SPAG17: variants seen among roughly 807,000 people sequenced by gnomAD.
SPAG17 encodes sperm associated antigen 17.
Under a neutral mutation model 273.6 loss-of-function variants are expected in SPAG17, and 169 were observed. The ratio of observed to expected loss-of-function variants is 0.62; its 90% confidence interval spans 0.55 to 0.70. The LOEUF is 0.70. SPAG17 is among the 30% of genes least tolerant of loss of function. SPAG17 has a pLI of 0.00. For synonymous variants in SPAG17, 825 were observed against 873.2 expected (o/e 0.94, Z 0.97); for missense variants, 2,557 against 2,627.8 (o/e 0.97, Z 0.59).
chr1:118,147,885 C>T (rs1659118271), intron 3 of SPAG17, among the ~76,000 whole-genome samples: 1 of 152,180 alleles, frequency 6.6e-6, no homozygotes, highest in Non-Finnish European at 1.5e-5. Flanking sequence ...AGAAGTCTCA[C>T]TTTAGTTTGC....
chr1:118,092,466 G>T (rs1655439885), intron 8 of SPAG17, among the ~76,000 whole-genome samples: 1 of 152,144 alleles, frequency 6.6e-6, no homozygotes, highest in African/African-American at 2.4e-5. Context: ...CATGCAGCCT[G>T]GGATCACTGA....
In SPAG17 at chr1:118,096,851, A is replaced by G. The variant is rs75824187; in HGVS notation, c.1011+819T>C. Among the ~76,000 whole-genome samples, 183 of 152,280 alleles carry G rather than the reference A, an allele frequency of 1.2e-3. 5 individuals are homozygous for G. In the East Asian group the frequency reaches 0.032, roughly 26 times the overall value. The stretch of plus-strand genomic sequence containing the variant: ...AAACTCCTCAATAGCAGGGGCCAGT[A>G]AACCCCACTCTTGGGAAATGCCTGA... On this transcript the variant is annotated intron_variant, in intron 7 of 48. Coordinates refer to ENST00000336338, the MANE Select transcript of SPAG17 (RefSeq NM_206996.4).
intron 1 of SPAG17, among the ~76,000 whole-genome samples, chr1:118,166,052 A>G (rs538711732): frequency 6.6e-6 from 1 of 152,354 alleles, no homozygotes; most frequent in East Asian, 1.9e-4. Flanking sequence ...AATATTATAT[A>G]CATACATGAA....
At chr1:118,139,038 A>G (rs1339519058) in intron 3 of SPAG17, among the ~76,000 whole-genome samples, 2 of 152,150 alleles carry the variant, frequency 1.3e-5, no homozygotes, top group Non-Finnish European at 2.9e-5. Context: ...TATATTTGAT[A>G]GGGGTTACTA....
At chr1:118,111,553 A>AACACACACAC (rs61266210) in intron 4 of SPAG17, among the ~76,000 whole-genome samples, 34,178 of 135,586 alleles carry the variant, frequency 0.25, 4,549 homozygotes, top group African/African-American at 0.27. Context: ...CTTTTAAAAC[A>AACACACACAC]ACACACACAC....
intron 24 of SPAG17, among the ~76,000 whole-genome samples, chr1:118,034,590 G>A (rs1393791275): frequency 2.0e-5 from 3 of 152,224 alleles, no homozygotes; most frequent in African/African-American, 7.2e-5. Context: ...ATGGGAGGGA[G>A]TTTAATTGTT....
intron 1 of SPAG17, among the ~76,000 whole-genome samples, chr1:118,169,629 G>T (rs1660328611): frequency 6.6e-6 from 1 of 152,158 alleles, no homozygotes; most frequent in African/African-American, 2.4e-5. Flanking sequence ...CATTTATAAG[G>T]GTTTCATGCA....
In SPAG17 at chr1:117,996,594, T is replaced by C. The variant is rs769701931; in HGVS notation, c.4922+4A>G. On this transcript the variant is annotated splice_donor_region_variant and intron_variant, in intron 33 of 48. Transcript: ENST00000336338. ...AAAGTAAAATTATAGTATTATTCTT[T>C]TACCTGGGGACATGTTCACCATAGA... 3.1e-6 allele frequency: 5 copies of C among 1,608,368 alleles called. No homozygotes were observed. The Admixed American group carries it at 6.8e-5, about 22-fold the overall frequency.
intron 3 of SPAG17, among the ~76,000 whole-genome samples, chr1:118,141,854 A>G (rs1272361422): frequency 6.6e-6 from 1 of 152,226 alleles, no homozygotes; most frequent in Non-Finnish European, 1.5e-5. Flanking sequence ...GACCCCTTAC[A>G]TGACATAACA....
chr1:118,136,594 C>T (rs750963295), intron 3 of SPAG17, among the ~76,000 whole-genome samples: 2 of 152,112 alleles, frequency 1.3e-5, no homozygotes, highest in Admixed American at 1.3e-4. Context: ...TCACATCACA[C>T]GGCAACTGCC....
At position 118,081,119 on chromosome 1, in the gene SPAG17, G is replaced by A; in HGVS notation, c.2191C>T (p.Pro731Ser). Residue 731 changes from proline (P) to serine (S), a missense_variant, in exon 15 of 49, where the codon CCC becomes TCC. Pro to Ser is a moderately conservative substitution (Grantham distance 74). Transcript: ENST00000336338. ...AACTTACCCAGAGACTCATGTTGGG[G>A]CTGAGCCTTCATGATGCTCTCCTGC... ...LEQESIMKAQ[P>S]QHESLEQTTN... 1.2e-6 allele frequency: 2 copies of A among 1,612,966 alleles called. No individual in the cohort carries two copies. Among genetic ancestry groups the A allele is most frequent in the Non-Finnish European group, 1.7e-6 (2 of 1,179,252 alleles).
intron 20 of SPAG17, among the ~76,000 whole-genome samples, chr1:118,046,752 C>T (rs1650401596): frequency 1.3e-5 from 2 of 152,004 alleles, no homozygotes. Flanking sequence ...TTTTTAGTAA[C>T]AAGAAAAATA....
intron 43 of SPAG17, among the ~76,000 whole-genome samples, chr1:117,978,418 CT>C (rs1325065553): frequency 6.6e-6 from 1 of 152,192 alleles, no homozygotes; most frequent in Non-Finnish European, 1.5e-5. Flanking sequence ...GTTCTTCCAT[CT>C]TCTTTAGGAC....
chr1:117,955,727 A>G (rs1652104332), intron 48 of SPAG17, among the ~76,000 whole-genome samples: 2 of 151,704 alleles, frequency 1.3e-5, no homozygotes, highest in Admixed American at 6.6e-5. Flanking sequence ...TCTTTTTCAC[A>G]TATTTCCTGA....
Position 117,959,104 on chromosome 1 carries a change from C to T in SPAG17, c.*4695G>A, listed in dbSNP as rs12066505. The stretch of plus-strand genomic sequence containing the variant: ...CTTTGTCTTTAGCAATACCCACCAC[C>T]GATAAATCCATATTTGAGATAGTTT... On this transcript the variant is annotated intron_variant, in intron 48 of 48. Coordinates refer to ENST00000336338, the MANE Select transcript of SPAG17 (RefSeq NM_206996.4). 1.5e-4 allele frequency: 189 copies of T among 1,298,374 alleles called. No homozygotes were observed. The African/African-American group carries it at 1.7e-3, about 12-fold the overall frequency. 80.4% of individuals were successfully genotyped at this position (1,298,374 alleles called of 1,614,324 possible).
intron 18 of SPAG17, among the ~76,000 whole-genome samples, chr1:118,056,539 A>G (rs1330818042): frequency 2.0e-5 from 3 of 152,234 alleles, no homozygotes; most frequent in Non-Finnish European, 2.9e-5. Context: ...TGACTAGTGT[A>G]ATTATTTAAA....
intron 1 of SPAG17, among the ~76,000 whole-genome samples, chr1:118,178,123 C>CT (rs1553259775): frequency 6.6e-6 from 1 of 152,060 alleles, no homozygotes; most frequent in Non-Finnish European, 1.5e-5. Context: ...ACGTAAAAGG[C>CT]TATAGGTCAG....
intron 42 of SPAG17, among the ~76,000 whole-genome samples, chr1:117,982,384 G>A (rs1159761330): frequency 6.6e-6 from 1 of 151,884 alleles, no homozygotes; most frequent in African/African-American, 2.4e-5. Context: ...TGGGACTACA[G>A]GCACCCGCCA....
At chr1:117,999,171 A>C (rs1255434324) in intron 32 of SPAG17, among the ~76,000 whole-genome samples, 1 of 152,074 alleles carries the variant, frequency 6.6e-6, no homozygotes, top group African/African-American at 2.4e-5. Context: ...ATCCTTTTTT[A>C]TGTCTGCATA....
Sources: allele counts gnomAD v4.1 joint callset (sites outside exome capture counted in the v4.1 genomes callset), GRCh38; gene constraint gnomAD v4.1.1; transcripts MANE v1.5; gene names NCBI Gene and HGNC (gene_info 2026-07-23, HGNC 2026-07-21).